The following CNTN5 variants were observed in gnomAD, a reference collection of about 807,000 sequenced individuals.
CNTN5 encodes contactin-5.
Under a neutral mutation model 129.1 loss-of-function variants are expected in CNTN5, and 77 were observed. The observed-to-expected ratio is 0.60, with a 90% CI of 0.50 to 0.72. CNTN5 has a LOEUF of 0.72. Among genes scored for constraint, CNTN5 ranks in the 30% least tolerant of loss-of-function variants. CNTN5 has a pLI of 0.00. For missense variants in CNTN5, 1,478 were observed against 1,328.8 expected, an observed-to-expected ratio of 1.11 and a Z score of -1.75; for synonymous variants, 509 against 465.6, an observed-to-expected ratio of 1.09 and a Z score of -1.20.
chr11:100,087,718 C>T (rs2137972085), intron 13 of CNTN5, among the ~76,000 whole-genome samples: 1 of 151,992 alleles, frequency 6.6e-6, no homozygotes, highest in East Asian at 1.9e-4. Context: ...TTAGACAGAT[C>T]ATCAAATCAG....
chr11:99,406,422 C>G (rs1942070371), intron 2 of CNTN5, among the ~76,000 whole-genome samples: 1 of 147,040 alleles, frequency 6.8e-6, no homozygotes, highest in African/African-American at 2.6e-5. Flanking sequence ...TCTCTCTGTT[C>G]TGAGCCATCT....
At position 99,922,003 on chromosome 11, in the gene CNTN5, A is replaced by G. The variant is rs548122124; in HGVS notation, c.673+5854A>G. The stretch of plus-strand genomic sequence containing the variant: ...TCTCTTGGGAAAATATAGTCAAAAA[A>G]GCTTGCTGAAGAAACAGAATATATT... On this transcript the variant is annotated intron_variant, in intron 7 of 24. Transcript: ENST00000524871. Among the ~76,000 whole-genome samples the G allele has an allele frequency of 2.6e-5, 4 of 152,346 alleles. No homozygotes were observed. The South Asian group carries it at 8.3e-4, about 32-fold the overall frequency.
intron 13 of CNTN5, among the ~76,000 whole-genome samples, chr11:100,185,101 G>C (rs1296833147): frequency 6.6e-6 from 1 of 152,100 alleles, no homozygotes; most frequent in East Asian, 1.9e-4. Flanking sequence ...CATGAAGACT[G>C]TGAGTCAATT....
At chr11:99,713,007 C>A (rs560489745) in intron 3 of CNTN5, among the ~76,000 whole-genome samples, 39 of 152,032 alleles carry the variant, frequency 2.6e-4, no homozygotes, top group Admixed American at 1.8e-3. Flanking sequence ...TTTGTTTTTG[C>A]CAATTCTGTG....
At chr11:99,423,370 T>C (rs994472809) in intron 2 of CNTN5, among the ~76,000 whole-genome samples, 1 of 152,232 alleles carries the variant, frequency 6.6e-6, no homozygotes, top group African/African-American at 2.4e-5. Flanking sequence ...TTATTTTCCA[T>C]GATGTTTACA....
intron 3 of CNTN5, among the ~76,000 whole-genome samples, chr11:99,657,566 T>A (rs1377178948): frequency 6.6e-6 from 1 of 152,164 alleles, no homozygotes; most frequent in Non-Finnish European, 1.5e-5. Context: ...TAAAAAAATA[T>A]TTTAAACATT....
intron 12 of CNTN5, among the ~76,000 whole-genome samples, chr11:100,072,153 G>A (rs1371458012): frequency 6.6e-6 from 1 of 152,174 alleles, no homozygotes; most frequent in East Asian, 1.9e-4. Flanking sequence ...AGAATGCCTT[G>A]AGGGTAGGAG....
At chr11:99,696,889 C>T (rs1954293712) in intron 3 of CNTN5, among the ~76,000 whole-genome samples, 1 of 151,792 alleles carries the variant, frequency 6.6e-6, no homozygotes, top group Non-Finnish European at 1.5e-5. Flanking sequence ...GGTTTCTATG[C>T]ACATAATAGT....
At chr11:100,334,040 C>T (rs1951970947) in intron 21 of CNTN5, among the ~76,000 whole-genome samples, 1 of 152,134 alleles carries the variant, frequency 6.6e-6, no homozygotes, top group East Asian at 1.9e-4. Context: ...ATACATCCAA[C>T]AAAGGACTAA....
intron 3 of CNTN5, among the ~76,000 whole-genome samples, chr11:99,771,452 G>A (rs1052757440): frequency 1.3e-5 from 2 of 151,886 alleles, no homozygotes; most frequent in Non-Finnish European, 2.9e-5. Context: ...TACACACAAT[G>A]AAATATTATT....
chr11:99,701,538 A>G (rs1327964510), intron 3 of CNTN5, among the ~76,000 whole-genome samples: 2 of 151,174 alleles, frequency 1.3e-5, no homozygotes, highest in South Asian at 4.1e-4. Flanking sequence ...AAATAATTTT[A>G]TGTATGAAAG....
intron 1 of CNTN5, among the ~76,000 whole-genome samples, chr11:99,194,847 C>T (rs922090256): frequency 1.3e-5 from 2 of 152,152 alleles, no homozygotes; most frequent in Non-Finnish European, 2.9e-5. Flanking sequence ...TCAGGCAATC[C>T]ACCCGCCTTG....
chr11:99,388,774 C>A (rs1178595638), intron 2 of CNTN5, among the ~76,000 whole-genome samples: 1 of 152,052 alleles, frequency 6.6e-6, no homozygotes, highest in Non-Finnish European at 1.5e-5. Context: ...CATTTATAAC[C>A]ATACAAACTT....
At chr11:99,176,200 TACA>T (rs1235743425) in intron 1 of CNTN5, among the ~76,000 whole-genome samples, 2 of 152,196 alleles carry the variant, frequency 1.3e-5, no homozygotes, top group African/African-American at 4.8e-5. Context: ...TCTTTTTTCC[TACA>T]ACATGAGCCA....
chr11:99,542,553 C>T (rs765763640), intron 2 of CNTN5, among the ~76,000 whole-genome samples: 2 of 152,084 alleles, frequency 1.3e-5, no homozygotes, highest in Admixed American at 6.6e-5. Context: ...TTTACTTTTG[C>T]GCCAACTTAA....
chr11:99,239,328 A>C (rs532924232), intron 1 of CNTN5, among the ~76,000 whole-genome samples: 1 of 152,308 alleles, frequency 6.6e-6, no homozygotes, highest in African/African-American at 2.4e-5. Context: ...TCCATGTCTG[A>C]GTTTTGAGTG....
At chr11:99,504,835 C>T (rs1340653517) in intron 2 of CNTN5, among the ~76,000 whole-genome samples, 2 of 152,146 alleles carry the variant, frequency 1.3e-5, no homozygotes, top group African/African-American at 4.8e-5. Flanking sequence ...AGATAGTTGT[C>T]TTTGGTGCTA....
In CNTN5 at chr11:99,996,784, A is replaced by G. The variant is rs956303523; in HGVS notation, c.878-5250A>G. 2.6e-5 allele frequency among the ~76,000 whole-genome samples: 4 copies of G among 152,296 alleles called. No individual in the cohort carries two copies. In the Middle Eastern group the frequency reaches 0.01, roughly 389 times the overall value. On this transcript the variant is annotated intron_variant, in intron 8 of 24. Transcript: ENST00000524871. ...GTGAAAGGGAGGCAAGGTACATCTT[A>G]CATGGCAGCAGGAGAGAGAGAGGGA...
At chr11:100,287,037 G>C (rs548951297) in intron 18 of CNTN5, among the ~76,000 whole-genome samples, 1 of 151,860 alleles carries the variant, frequency 6.6e-6, no homozygotes, top group Non-Finnish European at 1.5e-5. Context: ...GAAATGAAGC[G>C]AGAAGGGAAG....
Sources: allele counts gnomAD v4.1 joint callset (sites outside exome capture counted in the v4.1 genomes callset), GRCh38; gene constraint gnomAD v4.1.1; transcripts MANE v1.5; gene names NCBI Gene and HGNC (gene_info 2026-07-23, HGNC 2026-07-21).